Variants in SRGAP2C observed in about 807,000 individuals in gnomAD.
SRGAP2C encodes SLIT-ROBO Rho GTPase activating protein 2C.
A neutral mutation model predicts 25.1 loss-of-function variants in SRGAP2C; 15 were observed. The observed-to-expected ratio is 0.60, with a 90% CI of 0.40 to 0.92. The LOEUF is 0.92. Ranked by LOEUF, SRGAP2C falls within the 40% of genes least tolerant of loss-of-function variation. The probability of loss-of-function intolerance (pLI) is 0.00; values close to 1 mark genes in which losing one functional copy is unlikely to be tolerated. For missense variants in SRGAP2C, 144 were observed against 264.4 expected, an observed-to-expected ratio of 0.54 and a Z score of 3.16; for synonymous variants, 44 against 96.6, an observed-to-expected ratio of 0.46 and a Z score of 3.19.
At chr1:121,270,296 G>C (rs115313745) in intron 2 of SRGAP2C, among the ~76,000 whole-genome samples, 8,014 of 151,992 alleles carry the variant, frequency 0.053, 743 homozygotes, top group African/African-American at 0.18. Context: ...TTCAGGCCTT[G>C]AATATTGCTG....
At position 121,184,994 on chromosome 1, in the gene SRGAP2C, G is replaced by C. The variant is rs1654456766; in HGVS notation, c.-673G>C. 4 of 509,972 alleles carry C rather than the reference G, an allele frequency of 7.8e-6. No homozygotes were observed. In the Admixed American group the frequency reaches 1.5e-4, roughly 19 times the overall value. 31.6% of individuals were successfully genotyped at this position (509,972 alleles called of 1,614,324 possible). ...CCCGGCGGGGTCCTGCGGAGTTGGC[G>C]GAGGCGGCGGAGGCTCCTCCAGGGA... On this transcript the variant is annotated 5_prime_UTR_variant, in exon 1 of 10. Coordinates refer to ENST00000367123, the MANE Select transcript of SRGAP2C (RefSeq NM_001329984.2).
intron 2 of SRGAP2C, among the ~76,000 whole-genome samples, chr1:121,259,542 G>GT (rs1656563295): frequency 6.8e-6 from 1 of 147,524 alleles, no homozygotes; most frequent in South Asian, 2.1e-4. Context: ...TACCAAGTAG[G>GT]TGAAGATATA....
At chr1:121,223,516 C>CT (rs1211423211) in intron 2 of SRGAP2C, among the ~76,000 whole-genome samples, 1 of 54,026 alleles carries the variant, frequency 1.9e-5, no homozygotes, top group Non-Finnish European at 3.4e-5. Flanking sequence ...GTTTTTTTGG[C>CT]TTTTTTTGAA....
intron 2 of SRGAP2C, among the ~76,000 whole-genome samples, chr1:121,211,738 CT>C (rs1655262901): frequency 6.9e-6 from 1 of 145,864 alleles, no homozygotes; most frequent in African/African-American, 2.5e-5. Context: ...AATAGGTTTC[CT>C]TTAGATCGAT....
intron 5 of SRGAP2C, among the ~76,000 whole-genome samples, chr1:121,370,372 A>C (rs1256946387): frequency 6.9e-6 from 1 of 145,178 alleles, no homozygotes; most frequent in South Asian, 2.2e-4. Context: ...TAACAGAATA[A>C]ACCTCTCATC....
At chr1:121,368,624 T>C (rs1553350280) in intron 5 of SRGAP2C, among the ~76,000 whole-genome samples, 1 of 149,986 alleles carries the variant, frequency 6.7e-6, no homozygotes, top group Non-Finnish European at 1.5e-5. Context: ...CATGGGAGAG[T>C]GGTTTTATCA....
At chr1:121,186,299 C>T (rs1654492384) in intron 1 of SRGAP2C, among the ~76,000 whole-genome samples, 1 of 77,924 alleles carries the variant, frequency 1.3e-5, no homozygotes, top group African/African-American at 5.0e-5. Context: ...CGACCCTATC[C>T]TCTAACCCGT....
intron 4 of SRGAP2C, among the ~76,000 whole-genome samples, chr1:121,331,897 T>C (rs2101617878): frequency 6.6e-6 from 1 of 152,252 alleles, no homozygotes; most frequent in East Asian, 1.9e-4. Flanking sequence ...AGAATAGATA[T>C]TGATTGCCTT....
chr1:121,320,865 T>G (rs1658187218), intron 3 of SRGAP2C, among the ~76,000 whole-genome samples: 1 of 152,062 alleles, frequency 6.6e-6, no homozygotes, highest in Non-Finnish European at 1.5e-5. Flanking sequence ...TGGTATGATA[T>G]TAAGCATGTT....
At chr1:121,238,773 A>C (rs1466555468) in intron 2 of SRGAP2C, among the ~76,000 whole-genome samples, 55 of 142,508 alleles carry the variant, frequency 3.9e-4, no homozygotes, top group African/African-American at 1.4e-3. Context: ...ACCACTACAC[A>C]CTGCTATTTT....
At chr1:121,199,139 A>G (rs1654917215) in intron 2 of SRGAP2C, among the ~76,000 whole-genome samples, 1 of 147,770 alleles carries the variant, frequency 6.8e-6, no homozygotes, top group South Asian at 2.2e-4. Flanking sequence ...GGTAGCTGCT[A>G]TTATTATCCC....
chr1:121,285,457 G>C (rs1657341867), intron 3 of SRGAP2C, among the ~76,000 whole-genome samples: 2 of 149,014 alleles, frequency 1.3e-5, no homozygotes, highest in Admixed American at 1.3e-4. Context: ...AAATAGTAGA[G>C]CTGGAATTGG....
At chr1:121,218,665 T>G (rs1166852365) in intron 2 of SRGAP2C, among the ~76,000 whole-genome samples, 5 of 150,592 alleles carry the variant, frequency 3.3e-5, no homozygotes, top group Non-Finnish European at 5.9e-5. Flanking sequence ...GAGAATCTCT[T>G]GAACCCGGGA....
At chr1:121,266,133 C>T (rs1294556163) in intron 2 of SRGAP2C, among the ~76,000 whole-genome samples, 1 of 151,154 alleles carries the variant, frequency 6.6e-6, no homozygotes, top group Non-Finnish European at 1.5e-5. Flanking sequence ...TACACCACAC[C>T]TGGCTAATTT....
intron 2 of SRGAP2C, among the ~76,000 whole-genome samples, chr1:121,260,611 C>A (rs1656606224): frequency 7.0e-6 from 1 of 143,438 alleles, no homozygotes; most frequent in Non-Finnish European, 1.5e-5. Context: ...TCCATAAGAT[C>A]TTTCTAAGAA....
At chr1:121,210,273 C>T (rs1412587030) in intron 2 of SRGAP2C, among the ~76,000 whole-genome samples, 7 of 149,926 alleles carry the variant, frequency 4.7e-5, no homozygotes, top group Non-Finnish European at 8.9e-5. Context: ...AAAGGAATGA[C>T]ATATGTATGC....
chr1:121,283,003 T>C, intron 2 of SRGAP2C, among the ~76,000 whole-genome samples: 1 of 148,044 alleles, frequency 6.8e-6, no homozygotes. Context: ...ACAGGAATAG[T>C]CTCAACAAGG....
intron 2 of SRGAP2C, among the ~76,000 whole-genome samples, chr1:121,204,550 G>A (rs200066419): frequency 3.6e-4 from 55 of 151,912 alleles, no homozygotes; most frequent in African/African-American, 9.4e-4. Context: ...GTGAGCCACC[G>A]TGCCCGGCCT....
chr1:121,321,864 G>T (rs1658212039), intron 3 of SRGAP2C, among the ~76,000 whole-genome samples: 1 of 152,182 alleles, frequency 6.6e-6, no homozygotes, highest in Non-Finnish European at 1.5e-5. Context: ...ATGGTGTTAG[G>T]TTGATTTTGC....
Sources: allele counts gnomAD v4.1 joint callset (sites outside exome capture counted in the v4.1 genomes callset), GRCh38; gene constraint gnomAD v4.1.1; transcripts MANE v1.5; gene names NCBI Gene and HGNC (gene_info 2026-07-23, HGNC 2026-07-21).